Variants in SNX7 observed in about 807,000 individuals in gnomAD.
SNX7 encodes the protein sorting nexin-7.
In SNX7, 35 loss-of-function variants were observed where a neutral mutation model predicts 48.4. The observed-to-expected ratio is 0.72, with a 90% CI of 0.55 to 0.96. SNX7 has a LOEUF of 0.96. Among genes scored for constraint, SNX7 ranks in the 40% least tolerant of loss-of-function variants. The pLI is 0.00. For synonymous variants in SNX7, 190 were observed against 190.2 expected, an observed-to-expected ratio of 1.00 and a Z score of 0.01; for missense variants, 553 against 548.9, an observed-to-expected ratio of 1.01 and a Z score of -0.07.
intron 4 of SNX7, among the ~76,000 whole-genome samples, chr1:98,694,963 A>G (rs1237613175): frequency 6.6e-6 from 1 of 152,064 alleles, no homozygotes; most frequent in African/African-American, 2.4e-5. Flanking sequence ...TTTCTTCTGT[A>G]AAATGAGGAA....
At chr1:98,679,096 G>C (rs904115756) in intron 1 of SNX7, among the ~76,000 whole-genome samples, 3 of 152,102 alleles carry the variant, frequency 2.0e-5, no homozygotes, top group Admixed American at 1.3e-4. Flanking sequence ...AATTTATATA[G>C]GAAAAAGGGT....
chr1:98,725,055 A>G (rs148251625), intron 7 of SNX7, among the ~76,000 whole-genome samples: 60 of 152,302 alleles, frequency 3.9e-4, no homozygotes, highest in Middle Eastern at 3.4e-3. Flanking sequence ...TCTATGGTAT[A>G]GGAAAGTTGG....
At chr1:98,708,022 T>C (rs533127796) in intron 7 of SNX7, among the ~76,000 whole-genome samples, 67 of 152,312 alleles carry the variant, frequency 4.4e-4, no homozygotes, top group African/African-American at 1.6e-3. Flanking sequence ...AATTTTGACA[T>C]AGCAAGCCTT....
intron 7 of SNX7, among the ~76,000 whole-genome samples, chr1:98,721,404 G>A (rs9434431): frequency 0.55 from 84,109 of 151,900 alleles, 24,296 homozygotes; most frequent in Non-Finnish European, 0.64. Flanking sequence ...AAGTTCCTTT[G>A]TGTAGTATTG....
intron 7 of SNX7, among the ~76,000 whole-genome samples, chr1:98,720,374 G>C (rs953507446): frequency 2.6e-5 from 4 of 151,808 alleles, no homozygotes; most frequent in Admixed American, 2.0e-4. Flanking sequence ...ATTTGCCTCA[G>C]GCTAATATTT....
chr1:98,691,756 T>G, intron 4 of SNX7, 57 bp downstream of exon 4: 10 of 1,350,110 alleles, frequency 7.4e-6, no homozygotes, highest in Non-Finnish European at 8.9e-6. Flanking sequence ...CTATAGTAGA[T>G]TGTATTGTTC....
At chr1:98,736,618 A>C (rs895526610) in intron 7 of SNX7, among the ~76,000 whole-genome samples, 1 of 152,200 alleles carries the variant, frequency 6.6e-6, no homozygotes, top group Non-Finnish European at 1.5e-5. Context: ...AGAGTGAAAA[A>C]ATAAAACACA....
chr1:98,674,160 C>T (rs1650028145), intron 1 of SNX7, among the ~76,000 whole-genome samples: 1 of 152,182 alleles, frequency 6.6e-6, no homozygotes, highest in African/African-American at 2.4e-5. Flanking sequence ...ATATTTTAAT[C>T]ATGATTTCTT....
At chr1:98,702,802 C>T (rs1651819272) in intron 7 of SNX7, among the ~76,000 whole-genome samples, 1 of 152,028 alleles carries the variant, frequency 6.6e-6, no homozygotes, top group African/African-American at 2.4e-5. Flanking sequence ...CGAACTTCTA[C>T]TGAGTGCATT....
At chr1:98,756,802 G>A (rs992775411) in intron 8 of SNX7, among the ~76,000 whole-genome samples, 2 of 152,020 alleles carry the variant, frequency 1.3e-5, no homozygotes, top group Admixed American at 6.6e-5. Flanking sequence ...CCATGGCCTC[G>A]AAATTCTGTT....
At chr1:98,758,100 T>A (rs1654940619) in intron 8 of SNX7, among the ~76,000 whole-genome samples, 1 of 152,080 alleles carries the variant, frequency 6.6e-6, no homozygotes, top group Non-Finnish European at 1.5e-5. Flanking sequence ...ATCATCACAG[T>A]GCCTGGCATA....
chr1:98,752,887 C>T (rs1654656191), intron 8 of SNX7, among the ~76,000 whole-genome samples: 1 of 152,140 alleles, frequency 6.6e-6, no homozygotes, highest in South Asian at 2.1e-4. Flanking sequence ...GGGTTTCTTA[C>T]CTACTTCTCC....
intron 1 of SNX7, 88 bp from the exon 2 acceptor site, chr1:98,684,797 G>C: frequency 1.1e-6 from 1 of 934,008 alleles, no homozygotes; most frequent in Non-Finnish European, 1.5e-6. Flanking sequence ...TTTTGTTCTT[G>C]ATATATTTCA....
intron 7 of SNX7, among the ~76,000 whole-genome samples, chr1:98,730,328 A>G (rs1336979964): frequency 6.6e-6 from 1 of 152,180 alleles, no homozygotes; most frequent in Non-Finnish European, 1.5e-5. Flanking sequence ...ATCTGGAAGC[A>G]GTACCCTTGA....
chr1:98,741,168 G>A (rs1039457785), intron 8 of SNX7, among the ~76,000 whole-genome samples: 5 of 151,994 alleles, frequency 3.3e-5, no homozygotes, highest in African/African-American at 1.2e-4. Context: ...TTTTTCATCA[G>A]TATTCCCAAA....
intron 1 of SNX7, 96 bp downstream of exon 1, chr1:98,662,007 C>T: frequency 8.4e-7 from 1 of 1,193,138 alleles, no homozygotes; most frequent in Non-Finnish European, 1.1e-6. Flanking sequence ...GCTTGCCCTC[C>T]CGGGGCGGTG....
chr1:98,686,703 A>C (rs1408720529), intron 2 of SNX7, among the ~76,000 whole-genome samples: 1 of 152,124 alleles, frequency 6.6e-6, no homozygotes, highest in African/African-American at 2.4e-5. Context: ...CAATTTAATT[A>C]ACCTCTCTAT....
intron 7 of SNX7, among the ~76,000 whole-genome samples, chr1:98,730,831 G>C (rs939041212): frequency 6.6e-6 from 1 of 152,094 alleles, no homozygotes; most frequent in African/African-American, 2.4e-5. Flanking sequence ...ACTACCCAAA[G>C]TAATTTATGG....
At chr1:98,672,556 CT>C (rs1649927429) in intron 1 of SNX7, among the ~76,000 whole-genome samples, 1 of 151,352 alleles carries the variant, frequency 6.6e-6, no homozygotes, top group Admixed American at 6.6e-5. Flanking sequence ...CATCTTGGAC[CT>C]TTCTGAATGA....
Sources: allele counts gnomAD v4.1 joint callset (sites outside exome capture counted in the v4.1 genomes callset), GRCh38; gene constraint gnomAD v4.1.1; transcripts MANE v1.5; gene names NCBI Gene and HGNC (gene_info 2026-07-23, HGNC 2026-07-21).